Variants in LETM1 observed in about 807,000 individuals in gnomAD.
LETM1 encodes the protein leucine zipper and EF-hand containing transmembrane protein 1.
LETM1 carries 50 observed loss-of-function variants against 74.5 expected under a neutral mutation model. That is an observed-to-expected ratio of 0.67 (90% CI 0.53 to 0.85). The LOEUF (loss-of-function observed/expected upper bound fraction) is 0.85, where lower values mean the gene tolerates loss of function less well. LETM1 is among the 40% of genes least tolerant of loss of function. LETM1 has a pLI of 0.00. For missense variants in LETM1, 824 were observed against 967.8 expected (o/e 0.85, Z 1.97); for synonymous variants, 446 against 407.1 (o/e 1.10, Z -1.15).
chr4:1,823,677 G>C lies in LETM1; in HGVS notation c.1299C>G (p.Leu433=). 3 of 1,613,994 alleles carry C rather than the reference G, an allele frequency of 1.9e-6. No individual in the cohort carries two copies. Among genetic ancestry groups the C allele is most frequent in the South Asian group, 2.2e-5 (2 of 91,084 alleles). ...CTGGGAGGGTCTGCAGTGTGGACTT[G>C]AGCTGGTCGGCTGGAGAGAGGGTGT... The part of the protein sequence containing the change: ...LPDTLSPADQ[L]KSTLQTLPEI... The change falls in exon 8 of 14, where the codon CTC becomes CTG. Residue 433 remains leucine (L), a synonymous_variant. Transcript: ENST00000302787.
At chr4:1,826,697 C>T (rs1299289884) in intron 6 of LETM1, among the ~76,000 whole-genome samples, 3 of 152,262 alleles carry the variant, frequency 2.0e-5, no homozygotes, top group East Asian at 1.9e-4. Flanking sequence ...CCTCCTTAGC[C>T]GAACCCTTCG....
chr4:1,834,570 A>T lies in LETM1; in HGVS notation c.876+275T>A, dbSNP rs1712396261. The T allele has an allele frequency of 8.1e-7, 1 of 1,237,290 alleles. No homozygotes were observed. Among genetic ancestry groups the T allele is most frequent in the Non-Finnish European group, 1.0e-6 (1 of 982,908 alleles). The allele number at this position is 1,237,290 out of a possible 1,614,324, so 76.6% of individuals were successfully genotyped here. A position where few individuals can be genotyped will look rare whatever the true frequency, so the allele number is the denominator to read the frequency against. ...GGGTCTCAGGCTCCTCATGGGTCAG[A>T]TTCTACTGCTCCTGGACAGCTGCAG... On this transcript the variant is annotated intron_variant, in intron 5 of 13. Coordinates refer to ENST00000302787, the MANE Select transcript of LETM1 (RefSeq NM_012318.3). This position sits in a 1 kb window ranked among gnomAD's most constrained non-coding sequence, Gnocchi z 5.0.
At position 1,828,298 on chromosome 4, in the gene LETM1, C is replaced by T. The variant is rs1485536827; in HGVS notation, c.1081-2615G>A. On this transcript the variant is annotated intron_variant, in intron 6 of 13. Transcript: ENST00000302787. The stretch of plus-strand genomic sequence containing the variant: ...GGGGCTGACCCCCCCACCTCCCTCC[C>T]GGACGGGGCGGCTGGCCGGGCAGGG... 6.7e-3 allele frequency among the ~76,000 whole-genome samples: 855 copies of T among 128,106 alleles called. 2 individuals are homozygous for T. The highest frequency in any genetic ancestry group is 0.01 in the Non-Finnish European group (607 of 59,116). 84.0% of individuals were successfully genotyped at this position (128,106 alleles called of 152,430 possible). A position where few individuals can be genotyped will look rare whatever the true frequency, so the allele number is the denominator to read the frequency against.
In LETM1 at chr4:1,834,676, G is replaced by A. The variant is rs1712401032; in HGVS notation, c.876+169C>T. On this transcript the variant is annotated intron_variant, in intron 5 of 13. Transcript: ENST00000302787. This position sits in a 1 kb window ranked among gnomAD's most constrained non-coding sequence, Gnocchi z 5.0. ...AGCTTAACTCACTGGGAGCTCGTGG[G>A]GGCAGACTCCTGACACTCCACTGGC... The A allele has an allele frequency of 4.8e-6, 7 of 1,449,760 alleles. No homozygotes were observed. The highest frequency in any genetic ancestry group is 1.4e-5 in the African/African-American group (1 of 69,898). The allele number at this position is 1,449,760 out of a possible 1,614,324, so 89.8% of individuals were successfully genotyped here. A position where few individuals can be genotyped will look rare whatever the true frequency, so the allele number is the denominator to read the frequency against.
chr4:1,828,100 A>ACC (rs1254265834), intron 6 of LETM1, among the ~76,000 whole-genome samples: 5 of 102,288 alleles, frequency 4.9e-5, no homozygotes, highest in South Asian at 3.4e-4. Context: ...AGGGGGGCTG[A>ACC]CACCCCCACC....
At chr4:1,845,703 C>T (rs1054086929) in intron 2 of LETM1, among the ~76,000 whole-genome samples, 2 of 151,730 alleles carry the variant, frequency 1.3e-5, no homozygotes, top group East Asian at 1.9e-4. Context: ...TGTGCCACCA[C>T]GCCCAGGTAA....
At position 1,818,570 on chromosome 4, in the gene LETM1, G is replaced by A. The variant is rs138484714; in HGVS notation, c.1743+768C>T. ...GGAAGTTGCAGTGAGTCGAGATCAC[G>A]CCACTGCACTCCAGCCTGGGCGACA... On this transcript the variant is annotated intron_variant, in intron 11 of 13. Transcript: ENST00000302787. Among the ~76,000 whole-genome samples the A allele has an allele frequency of 1.7e-3, 256 of 151,762 alleles. 1 individual carries two copies. In the Middle Eastern group the frequency reaches 0.027, roughly 16 times the overall value.
At chr4:1,824,716 C>T (rs552393241) in intron 7 of LETM1, among the ~76,000 whole-genome samples, 72 of 152,356 alleles carry the variant, frequency 4.7e-4, no homozygotes, top group African/African-American at 1.5e-3. Context: ...GGGACAGCAC[C>T]TGCCCCCCTG....
At chr4:1,825,428 TG>T in intron 7 of LETM1, 135 bp downstream of exon 7, 1 of 1,062,108 alleles carries the variant, frequency 9.4e-7, no homozygotes, top group Non-Finnish European at 1.4e-6. Flanking sequence ...CCAAACATCC[TG>T]GCCGTCCCCA....
At chr4:1,821,383 C>T (rs1444742493) in intron 10 of LETM1, among the ~76,000 whole-genome samples, 4 of 151,406 alleles carry the variant, frequency 2.6e-5, no homozygotes, top group South Asian at 2.1e-4. Context: ...TGAGCCACTG[C>T]GCCTGGCCAA....
At chr4:1,817,217 C>G (rs1484062718) in intron 11 of LETM1, among the ~76,000 whole-genome samples, 1 of 139,672 alleles carries the variant, frequency 7.2e-6, no homozygotes, top group East Asian at 2.1e-4. Context: ...CGCACTCCAG[C>G]CTGGGCAACA....
intron 2 of LETM1, among the ~76,000 whole-genome samples, chr4:1,842,714 C>T (rs1040929722): frequency 6.6e-6 from 1 of 152,254 alleles, no homozygotes; most frequent in Non-Finnish European, 1.5e-5. Flanking sequence ...GCTGCATCGG[C>T]CCCAGTTGCC....
intron 2 of LETM1, among the ~76,000 whole-genome samples, chr4:1,847,846 AAAT>A (rs1712935736): frequency 6.6e-6 from 1 of 150,504 alleles, no homozygotes; most frequent in Non-Finnish European, 1.5e-5. Context: ...AAAAAAAAAA[AAAT>A]TAGCTGGGTG....
intron 11 of LETM1, among the ~76,000 whole-genome samples, chr4:1,818,298 G>A (rs897255525): frequency 6.6e-6 from 1 of 152,086 alleles, no homozygotes; most frequent in Non-Finnish European, 1.5e-5. Flanking sequence ...TCCCAACAGA[G>A]CTATGAAAAC....
intron 2 of LETM1, among the ~76,000 whole-genome samples, chr4:1,847,477 G>GGGAACTGGTCCCCAGGGA (rs1333127599): frequency 1.3e-5 from 2 of 152,096 alleles, no homozygotes; most frequent in Middle Eastern, 3.2e-3. Context: ...CGAGGTTTGG[G>GGGAACTGGTCCCCAGGGA]GGAACTGGTC....
At chr4:1,835,948 A>G (rs1031794141) in intron 4 of LETM1, among the ~76,000 whole-genome samples, 11 of 152,312 alleles carry the variant, frequency 7.2e-5, no homozygotes, top group African/African-American at 2.4e-4. Flanking sequence ...GTGGTGGCTT[A>G]GCCTGTAGTC....
chr4:1,841,744 C>G lies in LETM1; in HGVS notation c.197G>C (p.Arg66Thr), dbSNP rs1366685238. 6.2e-7 allele frequency: 1 copy of G among 1,614,104 alleles called. No individual in the cohort carries two copies. Among genetic ancestry groups the G allele is most frequent in the South Asian group, 1.1e-5 (1 of 91,080 alleles). Residue 66 changes from arginine (R) to threonine (T), a missense_variant, in exon 3 of 14, where the codon AGA becomes ACA. By Grantham distance (71) the Arg-to-Thr change is moderately conservative. Around this residue, in one of 4 missense-constraint regions of LETM1, gnomAD observed 222 missense variants for 195.6 expected, o/e 1.14. Transcript: ENST00000302787. ...AGCCCAACAGCCGAGGTGATCGCCT[C>G]TGGAGGATGTGTACACAGGGTGGAT... ...TPIHPVYTSSRGDHLGCWALR... is the reference protein window; with the variant it reads ...TPIHPVYTSSTGDHLGCWALR...
At chr4:1,854,305 C>A (rs1490545106) in intron 1 of LETM1, among the ~76,000 whole-genome samples, 2 of 144,852 alleles carry the variant, frequency 1.4e-5, no homozygotes, top group Non-Finnish European at 3.0e-5. Flanking sequence ...CATGGTGAAA[C>A]CCCATCTCTA....
chr4:1,846,991 T>A (rs1296166237), intron 2 of LETM1, among the ~76,000 whole-genome samples: 1 of 151,964 alleles, frequency 6.6e-6, no homozygotes, highest in Non-Finnish European at 1.5e-5. Context: ...TTAATGAAAA[T>A]AATAAACATC....
Sources: gnomAD v4.1 joint callset for allele counts (sites outside exome capture counted in the v4.1 genomes callset) on GRCh38, gnomAD v4.1.1 for gene constraint, gnomAD v4.1.1 regional missense constraint, Gnocchi (gnomAD v3.1) non-coding constraint, MANE v1.5 for transcripts, NCBI Gene and HGNC (gene_info 2026-07-23, HGNC 2026-07-21) for gene names.